LRP1: variants seen among roughly 807,000 people sequenced by gnomAD.
LRP1 encodes LDL receptor related protein 1, also known as prolow-density lipoprotein receptor-related protein 1.
In LRP1, 51 loss-of-function variants were observed where a neutral mutation model predicts 541.5. The ratio of observed to expected loss-of-function variants is 0.09; its 90% CI spans 0.08 to 0.12. The LOEUF is 0.12. Among genes scored for constraint, LRP1 ranks in the 10% least tolerant of loss-of-function variants. The probability of loss-of-function intolerance (pLI) is 1.00; values close to 1 mark genes in which losing one functional copy is unlikely to be tolerated. For synonymous variants in LRP1, 2,219 were observed against 2,470.8 expected (o/e 0.90, Z 3.02); for missense variants, 3,878 against 6,376.2 (o/e 0.61, Z 13.34).
In LRP1 at chr12:57,176,114, C is replaced by A; in HGVS notation, c.3991+8C>A. On this transcript the variant is annotated splice_region_variant and intron_variant, in intron 24 of 88. Coordinates refer to ENST00000243077, the MANE Select transcript of LRP1 (RefSeq NM_002332.3). ...AGCTGCTGGACAACGGAGGTGACCA[C>A]CGATTGCTGCCAGGCAGGATGCACA... 1 of 1,613,540 alleles carries A rather than the reference C, an allele frequency of 6.2e-7. No individual in the cohort carries two copies. The highest frequency in any genetic ancestry group is 8.5e-7 in the Non-Finnish European group (1 of 1,179,960).
At chr12:57,187,585 G>A in intron 42 of LRP1, 129 bp downstream of exon 42, 1 of 888,692 alleles carries the variant, frequency 1.1e-6, no homozygotes, top group Non-Finnish European at 1.7e-6. Flanking sequence ...CTTCCCTGCT[G>A]TGTGATCTGG....
chr12:57,193,310 G>A lies in LRP1; in HGVS notation c.7684+6G>A, dbSNP rs1292362513. The stretch of plus-strand genomic sequence containing the variant: ...TGAGAAGCCATCCTACTGCAGTAAG[G>A]AGCCCCCTGCAGCCCCTGCCTCTTC... On this transcript the variant is annotated splice_donor_region_variant and intron_variant, in intron 46 of 88. Transcript: ENST00000243077. 2 of 1,609,868 alleles carry A rather than the reference G, an allele frequency of 1.2e-6. No homozygotes were observed. Among genetic ancestry groups the A allele is most frequent in the East Asian group, 2.2e-5 (1 of 44,898 alleles).
chr12:57,208,646 T>C, intron 77 of LRP1, 65 bp from the exon 78 acceptor site: 6 of 971,042 alleles, frequency 6.2e-6, no homozygotes, highest in East Asian at 2.4e-5. Flanking sequence ...GAAGCTGGTG[T>C]CCTGCCTGGG....
At chr12:57,134,442 T>G (rs1041026462) in intron 1 of LRP1, among the ~76,000 whole-genome samples, 1 of 152,160 alleles carries the variant, frequency 6.6e-6, no homozygotes, top group Non-Finnish European at 1.5e-5. Flanking sequence ...CCCTTCCTTG[T>G]TTTTTGTTTT....
At chr12:57,176,140 C>G (rs1190923634) in intron 24 of LRP1, 34 bp downstream of exon 24, 3 of 1,610,118 alleles carry the variant, frequency 1.9e-6, no homozygotes, top group Non-Finnish European at 2.5e-6. Context: ...AGGATGCACA[C>G]AGGCGGAGCG....
chr12:57,179,197 C>G lies in LRP1; in HGVS notation c.4739-132C>G. 8.5e-7 allele frequency: 1 copy of G among 1,173,352 alleles called. No individual in the cohort carries two copies. The highest frequency in any genetic ancestry group is 1.5e-5 in the African/African-American group (1 of 65,774). The allele number at this position is 1,173,352 out of a possible 1,614,324, so 72.7% of individuals were successfully genotyped here. On this transcript the variant is annotated intron_variant, in intron 28 of 88. Coordinates refer to ENST00000243077, the MANE Select transcript of LRP1 (RefSeq NM_002332.3). The surrounding 1 kb of genome is among the most constrained non-coding windows in gnomAD (Gnocchi z 6.8). ...GCAGGTCTGCCAGGGGGGCTGCACC[C>G]AGCGGGGTATGTCCACGGAGCCAAG...
At chr12:57,138,628 C>T in intron 2 of LRP1, 47 bp downstream of exon 2, 1 of 1,605,088 alleles carries the variant, frequency 6.2e-7, no homozygotes, top group South Asian at 1.1e-5. Flanking sequence ...TAACTTATCC[C>T]TCTTCCTTTG....
Position 57,196,169 on chromosome 12 carries a change from T to C in LRP1, c.8784T>C (p.Asp2928=), listed in dbSNP as rs1171881216. Residue 2928 remains aspartate (D), a synonymous_variant, in exon 55 of 89, where the codon GAT becomes GAC. Transcript: ENST00000243077. ...AGGCACTGCTCTGCAACGGCCAGGA[T>C]GACTGTGGCGACAGCTCGGACGAGC... The part of the protein sequence containing the change: ...VAEALLCNGQ[D]DCGDSSDERG... 1 of 1,612,914 alleles carries C rather than the reference T, an allele frequency of 6.2e-7. No homozygotes were observed. The highest frequency in any genetic ancestry group is 2.2e-5 in the East Asian group (1 of 44,876).
At chr12:57,166,442 T>A (rs1311134952) in intron 17 of LRP1, 1 of 502,688 alleles carries the variant, frequency 2.0e-6, no homozygotes, top group Non-Finnish European at 3.5e-6. Context: ...GCACCTCTAG[T>A]CCCAGCTACT....
chr12:57,173,712 T>C lies in LRP1; in HGVS notation c.3347-68T>C. On this transcript the variant is annotated intron_variant, in intron 21 of 88. Coordinates refer to ENST00000243077, the MANE Select transcript of LRP1 (RefSeq NM_002332.3). This position sits in a 1 kb window ranked among gnomAD's most constrained non-coding sequence, Gnocchi z 4.7. Reference sequence around the variant, plus strand: ...GACCCTATTAGAGAAGCCCACAGGGTCTGGAAGGAAGGGCAGGGGGAGCCC... The same window carrying C: ...GACCCTATTAGAGAAGCCCACAGGGCCTGGAAGGAAGGGCAGGGGGAGCCC... The C allele has an allele frequency of 1.3e-6, 2 of 1,531,726 alleles. No homozygotes were observed. Among genetic ancestry groups the C allele is most frequent in the South Asian group, 2.2e-5 (2 of 89,076 alleles). The allele number at this position is 1,531,726 out of a possible 1,614,324, so 94.9% of individuals were successfully genotyped here. A position where few individuals can be genotyped will look rare whatever the true frequency, so the allele number is the denominator to read the frequency against.
chr12:57,169,228 C>G lies in LRP1; in HGVS notation c.3084C>G (p.Ile1028Met). 6.2e-7 allele frequency: 1 copy of G among 1,613,950 alleles called. No individual in the cohort carries two copies. Among genetic ancestry groups the G allele is most frequent in the Non-Finnish European group, 8.5e-7 (1 of 1,179,914 alleles). Residue 1028 changes from isoleucine (I) to methionine (M), a missense_variant, in exon 20 of 89, where the codon ATC (isoleucine) becomes ATG (methionine). By Grantham distance (10) the Ile-to-Met change is conservative. Transcript: ENST00000243077. ...TQFKCNSGRC[I>M]PEHWTCDGDN... ...TCAAGTGCAACAGCGGGCGTTGCAT[C>G]CCCGAGCACTGGACCTGCGATGGGG...
At chr12:57,187,536 G>A (rs767532716) in intron 42 of LRP1, 80 bp downstream of exon 42, 247 of 1,420,264 alleles carry the variant, frequency 1.7e-4, no homozygotes, top group Non-Finnish European at 2.2e-4. Context: ...AGATCCAAGC[G>A]GGGGTGCAGG....
chr12:57,152,776 C>A (rs528336099), intron 6 of LRP1, among the ~76,000 whole-genome samples: 18 of 152,226 alleles, frequency 1.2e-4, no homozygotes, highest in Non-Finnish European at 4.4e-5. Context: ...GCAGAGAGGA[C>A]CTGAAGAAGA....
Position 57,206,176 on chromosome 12 carries a change from C to T in LRP1, c.11591-297C>T, listed in dbSNP as rs987301389. Among the ~76,000 whole-genome samples, 4 of 152,328 alleles carry T rather than the reference C, an allele frequency of 2.6e-5. No homozygotes were observed. The East Asian group carries it at 5.8e-4, about 22-fold the overall frequency. On this transcript the variant is annotated intron_variant, in intron 75 of 88. Coordinates refer to ENST00000243077, the MANE Select transcript of LRP1 (RefSeq NM_002332.3). This position sits in a 1 kb window ranked among gnomAD's most constrained non-coding sequence, Gnocchi z 4.7. ...GTGCCAGGCAGTTTGTAGCAGAGAG[C>T]GTGGTGATGCCATCCAGCAGCCGTG... is the stretch of plus-strand genomic sequence containing the variant.
In LRP1 at chr12:57,128,867, G is replaced by T. The variant is rs1592594207; in HGVS notation, c.-98G>T. 9.9e-7 allele frequency: 1 copy of T among 1,010,198 alleles called. No homozygotes were observed. The highest frequency in any genetic ancestry group is 1.5e-6 in the Non-Finnish European group (1 of 683,364). 62.6% of individuals were successfully genotyped at this position (1,010,198 alleles called of 1,614,324 possible). The stretch of plus-strand genomic sequence containing the variant: ...GAATAAGAACAGAGAAGGAGGAGGG[G>T]GAAAGGAGGAAAAGGGGGACCCCCC... On this transcript the variant is annotated 5_prime_UTR_variant, in exon 1 of 89. Coordinates refer to ENST00000243077, the MANE Select transcript of LRP1 (RefSeq NM_002332.3).
chr12:57,194,333 C>T, intron 48 of LRP1, 21 bp from the exon 49 acceptor site: 1 of 1,508,898 alleles, frequency 6.6e-7, no homozygotes, highest in South Asian at 1.3e-5. Context: ...CAGGTATCAC[C>T]CTCACCCCTG....
chr12:57,202,555 C>CCCCCTG lies in LRP1; in HGVS notation c.10711+18_10711+19insCCCCTG. On this transcript the variant is annotated intron_variant, in intron 68 of 88. Transcript: ENST00000243077. Reference sequence around the variant, plus strand: ...GAGCTGCAGTACGTCCCCACCCACCCAGCCCCGCATGAGCCCCTCCCAGGC... The same window carrying CCCCCTG: ...GAGCTGCAGTACGTCCCCACCCACCCCCCCTGAGCCCCGCATGAGCCCCTCCCAGGC... 6.6e-7 allele frequency: 1 copy of CCCCCTG among 1,507,414 alleles called. No homozygotes were observed. The highest frequency in any genetic ancestry group is 8.9e-7 in the Non-Finnish European group (1 of 1,118,006). The allele number at this position is 1,507,414 out of a possible 1,614,324, so 93.4% of individuals were successfully genotyped here. A position where few individuals can be genotyped will look rare whatever the true frequency, so the allele number is the denominator to read the frequency against.
chr12:57,157,029 A>G, intron 10 of LRP1, 109 bp downstream of exon 10: 1 of 1,299,942 alleles, frequency 7.7e-7, no homozygotes, highest in Non-Finnish European at 1.0e-6. Context: ...AGATGAAGGA[A>G]GTGTCCCAGA....
In LRP1 at chr12:57,205,341, TC is replaced by T; in HGVS notation, c.11336-5del. 1.3e-6 allele frequency: 2 copies of T among 1,597,918 alleles called. No homozygotes were observed. ...CTCAAGGGAGGGCATCCACTCTCTG[TC>T]CCCCACAGACCCCAAGCTGACCAGC... On this transcript the variant is annotated splice_polypyrimidine_tract_variant and intron_variant, in intron 73 of 88. Coordinates refer to ENST00000243077, the MANE Select transcript of LRP1 (RefSeq NM_002332.3). This position sits in a 1 kb window ranked among gnomAD's most constrained non-coding sequence, Gnocchi z 4.6.
Sources: allele counts gnomAD v4.1 joint callset (sites outside exome capture counted in the v4.1 genomes callset), GRCh38; gene constraint gnomAD v4.1.1; non-coding constraint Gnocchi (gnomAD v3.1); transcripts MANE v1.5; gene names NCBI Gene and HGNC (gene_info 2026-07-23, HGNC 2026-07-21).